The following MARCHF1 variants were observed in gnomAD, a reference collection of about 807,000 sequenced individuals.
MARCHF1 encodes the protein membrane associated ring-CH-type finger 1, also known as E3 ubiquitin-protein ligase MARCHF1.
A neutral mutation model predicts 54.2 loss-of-function variants in MARCHF1; 40 were observed. The observed-to-expected ratio is 0.74, with a 90% confidence interval of 0.57 to 0.96. MARCHF1 has a LOEUF of 0.96. Ranked by LOEUF, MARCHF1 falls within the 40% of genes least tolerant of loss-of-function variation. MARCHF1 has a pLI of 0.00. For synonymous variants in MARCHF1, 236 were observed against 236.3 expected, an observed-to-expected ratio of 1.00 and a Z score of 0.01; for missense variants, 586 against 656.5, an observed-to-expected ratio of 0.89 and a Z score of 1.17.
At chr4:163,595,405 T>A (rs1475136858) in intron 7 of MARCHF1, among the ~76,000 whole-genome samples, 1 of 151,484 alleles carries the variant, frequency 6.6e-6, no homozygotes, top group East Asian at 1.9e-4. Flanking sequence ...TAGTCCCAGC[T>A]ACTTGGGAGG....
intron 1 of MARCHF1, among the ~76,000 whole-genome samples, chr4:164,116,950 C>T (rs1755950458): frequency 6.6e-6 from 1 of 152,064 alleles, no homozygotes; most frequent in Admixed American, 6.6e-5. Context: ...TATGCCAAAT[C>T]AATGTCTCTT....
intron 2 of MARCHF1, among the ~76,000 whole-genome samples, chr4:164,043,164 C>A (rs966044927): frequency 2.0e-5 from 3 of 152,262 alleles, no homozygotes; most frequent in African/African-American, 7.2e-5. Flanking sequence ...GTAGACAGTG[C>A]CCCAGTAGGG....
At chr4:163,870,242 C>T (rs1170926702) in intron 3 of MARCHF1, among the ~76,000 whole-genome samples, 1 of 152,000 alleles carries the variant, frequency 6.6e-6, no homozygotes, top group African/African-American at 2.4e-5. Context: ...TTCTGTATTA[C>T]ATTTAAAGTG....
Position 163,573,293 on chromosome 4 carries a change from CTCTTAT to C in MARCHF1, c.1191+12450_1191+12455del, listed in dbSNP as rs1254916804. On this transcript the variant is annotated intron_variant, in intron 8 of 9. Coordinates refer to ENST00000514618, the MANE Select transcript of MARCHF1 (RefSeq NM_001394959.1). ...TTCCTTTCCTATTTGGATGCTTTTT[CTCTTAT>C]TATTATTATTATTATTATTATTATT... is the stretch of plus-strand genomic sequence containing the variant. Among the ~76,000 whole-genome samples, 9 of 104,506 alleles carry C rather than the reference CTCTTAT, an allele frequency of 8.6e-5. No individual in the cohort carries two copies. In the Admixed American group the frequency reaches 8.7e-4, roughly 10 times the overall value. The allele number at this position is 104,506 out of a possible 152,430, so 68.6% of individuals were successfully genotyped here. A position where few individuals can be genotyped will look rare whatever the true frequency, so the allele number is the denominator to read the frequency against.
chr4:164,161,388 A>G (rs1262633349), intron 1 of MARCHF1, among the ~76,000 whole-genome samples: 2 of 152,168 alleles, frequency 1.3e-5, no homozygotes, highest in Admixed American at 1.3e-4. Flanking sequence ...CTGCAGAGCC[A>G]TGAGCCAATC....
At chr4:164,242,577 T>G (rs924456898) in intron 1 of MARCHF1, among the ~76,000 whole-genome samples, 1 of 152,010 alleles carries the variant, frequency 6.6e-6, no homozygotes, top group Non-Finnish European at 1.5e-5. Context: ...GCGCCTCTCC[T>G]CCTCCAAAGG....
chr4:163,954,804 G>A (rs1435655376), intron 3 of MARCHF1, among the ~76,000 whole-genome samples: 3 of 152,102 alleles, frequency 2.0e-5, no homozygotes, highest in African/African-American at 7.2e-5. Flanking sequence ...CTCACACTCA[G>A]AGGCACAAAA....
chr4:164,088,118 C>A (rs1451407526), intron 2 of MARCHF1, among the ~76,000 whole-genome samples: 2 of 152,118 alleles, frequency 1.3e-5, no homozygotes, highest in Non-Finnish European at 2.9e-5. Context: ...TTGAAAACGA[C>A]AATATAGTGA....
intron 3 of MARCHF1, among the ~76,000 whole-genome samples, chr4:163,896,259 A>C (rs1170974770): frequency 6.6e-6 from 1 of 152,220 alleles, no homozygotes; most frequent in Non-Finnish European, 1.5e-5. Flanking sequence ...GAAGAACAGA[A>C]TCTACAGGAT....
In MARCHF1 at chr4:163,629,592, A is replaced by T. The variant is rs916557398; in HGVS notation, c.163-16199T>A. Among the ~76,000 whole-genome samples the T allele has an allele frequency of 2.6e-5, 4 of 152,334 alleles. No individual in the cohort carries two copies. The South Asian group carries it at 8.3e-4, about 32-fold the overall frequency. ...TAAACTAAAAGAGCCTCTGCACAGC[A>T]AAAGAAACTATCATCAGAGTGAACA... On this transcript the variant is annotated intron_variant, in intron 5 of 9. Transcript: ENST00000514618.
At chr4:163,783,497 T>C (rs905070286) in intron 4 of MARCHF1, among the ~76,000 whole-genome samples, 3 of 152,228 alleles carry the variant, frequency 2.0e-5, no homozygotes, top group Admixed American at 2.0e-4. Context: ...TTAAATTTTG[T>C]ACCTTGAGTA....
chr4:164,272,877 AATT>A (rs1160458492), intron 1 of MARCHF1, among the ~76,000 whole-genome samples: 6 of 152,006 alleles, frequency 3.9e-5, no homozygotes, highest in Admixed American at 2.6e-4. Flanking sequence ...ATAGAGAAAA[AATT>A]ATAACCTAGT....
intron 4 of MARCHF1, among the ~76,000 whole-genome samples, chr4:163,795,390 C>A (rs956429790): frequency 1.1e-4 from 17 of 152,066 alleles, no homozygotes; most frequent in African/African-American, 3.9e-4. Flanking sequence ...CCACCAGGCC[C>A]AGCTAATTTT....
At chr4:163,944,933 T>C (rs567175957) in intron 3 of MARCHF1, among the ~76,000 whole-genome samples, 1 of 152,314 alleles carries the variant, frequency 6.6e-6, no homozygotes, top group Admixed American at 6.5e-5. Flanking sequence ...ACTATTCATA[T>C]TCCTAGGACC....
chr4:164,274,665 T>C lies in MARCHF1; in HGVS notation c.-323+109205A>G, dbSNP rs1270854673. On this transcript the variant is annotated intron_variant, in intron 1 of 9. Transcript: ENST00000514618. ...ATGTGTGCTTCAGGGTACACTTTTT[T>C]TTTTTTTTTTTTTTTTTTTTTTTTT... Among the ~76,000 whole-genome samples the C allele has an allele frequency of 8.8e-3, 646 of 73,510 alleles. 103 individuals carry two copies. The highest frequency in any genetic ancestry group is 0.022 in the African/African-American group (260 of 12,058). The allele number at this position is 73,510 out of a possible 152,430, so 48.2% of individuals were successfully genotyped here.
At chr4:164,189,990 A>T in intron 1 of MARCHF1, 1 of 1,484,234 alleles carries the variant, frequency 6.7e-7, no homozygotes, top group South Asian at 1.1e-5. Context: ...AGAAATCAAA[A>T]GGATGGTTAA....
At chr4:164,291,009 A>T (rs1308332215) in intron 1 of MARCHF1, among the ~76,000 whole-genome samples, 1 of 151,862 alleles carries the variant, frequency 6.6e-6, no homozygotes, top group Non-Finnish European at 1.5e-5. Context: ...TTAAATTATG[A>T]TGCTTATCCG....
At chr4:164,025,333 G>A (rs1243315214) in intron 2 of MARCHF1, among the ~76,000 whole-genome samples, 3 of 151,914 alleles carry the variant, frequency 2.0e-5, no homozygotes, top group Non-Finnish European at 4.4e-5. Context: ...TGGACCAAAT[G>A]TGGCTCATAA....
At chr4:163,562,169 T>C (rs148646007) in intron 8 of MARCHF1, among the ~76,000 whole-genome samples, 3,302 of 152,146 alleles carry the variant, frequency 0.022, 99 homozygotes, top group African/African-American at 0.074. Context: ...TGGTGGCCCA[T>C]GCTTGTAATC....
Sources: allele counts gnomAD v4.1 joint callset (sites outside exome capture counted in the v4.1 genomes callset), GRCh38; gene constraint gnomAD v4.1.1; transcripts MANE v1.5; gene names NCBI Gene and HGNC (gene_info 2026-07-23, HGNC 2026-07-21).